The following PDGFRL variants were observed in gnomAD, a reference collection of about 807,000 sequenced individuals.
PDGFRL encodes the protein platelet derived growth factor receptor like, also known as platelet-derived growth factor receptor-like protein.
A neutral mutation model predicts 37.2 loss-of-function variants in PDGFRL; 46 were observed. The ratio of observed to expected loss-of-function variants is 1.24; its 90% CI spans 0.98 to 1.58. PDGFRL has a LOEUF of 1.58. Ranked by LOEUF, PDGFRL falls within the 40% of genes most tolerant of loss-of-function variation. The pLI is 0.00. For missense variants in PDGFRL, 692 were observed against 467.6 expected, an observed-to-expected ratio of 1.48 and a Z score of -4.43; for synonymous variants, 251 against 184.3, an observed-to-expected ratio of 1.36 and a Z score of -2.93.
chr8:17,584,858 T>C (rs1361621507), intron 1 of PDGFRL, among the ~76,000 whole-genome samples: 2 of 151,824 alleles, frequency 1.3e-5, no homozygotes, highest in African/African-American at 4.8e-5. Flanking sequence ...TGAAAGCAAA[T>C]CTATTAAGAA....
At chr8:17,605,145 G>A (rs1483639557) in intron 2 of PDGFRL, among the ~76,000 whole-genome samples, 1 of 152,080 alleles carries the variant, frequency 6.6e-6, no homozygotes, top group Non-Finnish European at 1.5e-5. Flanking sequence ...GAGAGAGAGA[G>A]ACAGGGAGAG....
At chr8:17,586,114 G>C (rs947188310) in intron 1 of PDGFRL, among the ~76,000 whole-genome samples, 4 of 151,506 alleles carry the variant, frequency 2.6e-5, no homozygotes, top group Non-Finnish European at 5.9e-5. Context: ...GCCATGCCTG[G>C]CTACTTTTTT....
chr8:17,627,989 CTTTTTTTTT>C (rs35707610), intron 3 of PDGFRL, among the ~76,000 whole-genome samples: 21 of 89,254 alleles, frequency 2.4e-4, no homozygotes, highest in Admixed American at 4.2e-4. Context: ...TTCTTTCTTT[CTTTTTTTTT>C]TTTTTTTTTT....
chr8:17,581,007 G>C (rs949904209), intron 1 of PDGFRL, among the ~76,000 whole-genome samples: 2 of 152,076 alleles, frequency 1.3e-5, no homozygotes, highest in South Asian at 2.1e-4. Context: ...TATTGGAGGA[G>C]AGCCTACCCT....
intron 2 of PDGFRL, among the ~76,000 whole-genome samples, chr8:17,611,421 A>C (rs563256701): frequency 1.9e-4 from 29 of 152,342 alleles, no homozygotes; most frequent in Middle Eastern, 3.4e-3. Context: ...ATTTGAACCA[A>C]GGAAAGCTGA....
At chr8:17,615,994 G>C (rs1466656492) in intron 2 of PDGFRL, among the ~76,000 whole-genome samples, 1 of 152,166 alleles carries the variant, frequency 6.6e-6, no homozygotes, top group Non-Finnish European at 1.5e-5. Flanking sequence ...GCTTGGCAGC[G>C]TGCCTGCACT....
chr8:17,591,828 A>G (rs529072390), intron 2 of PDGFRL, among the ~76,000 whole-genome samples: 1 of 152,184 alleles, frequency 6.6e-6, no homozygotes, highest in African/African-American at 2.4e-5. Flanking sequence ...GCAGGAGGGG[A>G]TTGCTTGAAC....
At chr8:17,590,839 T>G (rs961865788) in intron 2 of PDGFRL, among the ~76,000 whole-genome samples, 1 of 151,978 alleles carries the variant, frequency 6.6e-6, no homozygotes, top group Admixed American at 6.6e-5. Flanking sequence ...TGACCAGATA[T>G]CAACTTCAAC....
In PDGFRL at chr8:17,642,477, G is replaced by A. The variant is rs533636412; in HGVS notation, c.940-136G>A. ...GTGTAGAAGCTTCCACAGCTTATGAGCTACGCATACTAAACAGTCTTTTAT... is the reference window on the plus strand; with the variant it reads ...GTGTAGAAGCTTCCACAGCTTATGAACTACGCATACTAAACAGTCTTTTAT... On this transcript the variant is annotated intron_variant, in intron 5 of 5. Transcript: ENST00000251630. The A allele has an allele frequency of 7.7e-6, 5 of 646,674 alleles. No homozygotes were observed. The South Asian group carries it at 9.2e-5, about 12-fold the overall frequency. 40.1% of individuals were successfully genotyped at this position (646,674 alleles called of 1,614,324 possible). A position where few individuals can be genotyped will look rare whatever the true frequency, so the allele number is the denominator to read the frequency against.
chr8:17,593,232 T>C (rs1229963071), intron 2 of PDGFRL, among the ~76,000 whole-genome samples: 9 of 151,984 alleles, frequency 5.9e-5, no homozygotes, highest in African/African-American at 2.2e-4. Context: ...GGAAGAAATC[T>C]GGAAAGGCTT....
At chr8:17,590,888 A>AT (rs71729974) in intron 2 of PDGFRL, among the ~76,000 whole-genome samples, 1,748 of 143,116 alleles carry the variant, frequency 0.012, 42 homozygotes, top group African/African-American at 0.043. Context: ...ATTATTATTA[A>AT]TTTTTTTTTT....
intron 2 of PDGFRL, among the ~76,000 whole-genome samples, chr8:17,602,838 AC>A (rs1804194747): frequency 6.6e-6 from 1 of 152,214 alleles, no homozygotes; most frequent in African/African-American, 2.4e-5. Flanking sequence ...AAATGAAGAA[AC>A]ATTCCAAATG....
intron 2 of PDGFRL, 92 bp from the exon 3 acceptor site, chr8:17,620,959 G>C: frequency 1.2e-6 from 1 of 812,394 alleles, no homozygotes; most frequent in South Asian, 2.9e-5. Flanking sequence ...ATTGGGGCAA[G>C]TCTGCCCAGA....
intron 2 of PDGFRL, among the ~76,000 whole-genome samples, chr8:17,614,122 C>T (rs1238605955): frequency 6.6e-6 from 1 of 152,070 alleles, no homozygotes; most frequent in African/African-American, 2.4e-5. Flanking sequence ...AGATGATAGG[C>T]TGATAAATGA....
At chr8:17,597,352 T>C (rs1226301717) in intron 2 of PDGFRL, among the ~76,000 whole-genome samples, 1 of 152,226 alleles carries the variant, frequency 6.6e-6, no homozygotes, top group Non-Finnish European at 1.5e-5. Flanking sequence ...TATTGTTGGC[T>C]TTCTGGAAGC....
Position 17,608,573 on chromosome 8 carries a change from T to G in PDGFRL, c.354-12478T>G, listed in dbSNP as rs145988175. On this transcript the variant is annotated intron_variant, in intron 2 of 5. Transcript: ENST00000251630. ...GACCAGAGCGAGTGTGTCACAGCCT[T>G]CAGTTCAGTGTTGGTCTGCTGAGGA... Among the ~76,000 whole-genome samples, 793 of 152,310 alleles carry G rather than the reference T, an allele frequency of 5.2e-3. 2 individuals are homozygous for G. Among genetic ancestry groups the G allele is most frequent in the Admixed American group, 8.4e-3 (128 of 15,302 alleles).
intron 2 of PDGFRL, among the ~76,000 whole-genome samples, chr8:17,593,299 A>C (rs1803982211): frequency 6.6e-6 from 1 of 152,086 alleles, no homozygotes; most frequent in South Asian, 2.1e-4. Context: ...TATCCTCTTA[A>C]TGATTTTGAA....
rs1426429165 is a variant in PDGFRL at position 17,628,488 on chromosome 8, G to T, written c.507G>T (p.Glu169Asp). The stretch of plus-strand genomic sequence containing the variant: ...CCTGTGTCTTCCTTCCCTTTGCAGA[G>T]AAAGGAGAACTCTTTGTACCTTCTC... ...KTGSTYIFFTEKGELFVPSPS... is the reference protein window; with the variant it reads ...KTGSTYIFFTDKGELFVPSPS... Residue 169 changes from glutamate to aspartate, a missense_variant and splice_region_variant, in exon 4 of 6, where the codon GAG (glutamate) becomes GAT (aspartate). By Grantham distance (45) the Glu-to-Asp change is conservative (BLOSUM62 2). Transcript: ENST00000251630. 2.5e-6 allele frequency: 4 copies of T among 1,612,252 alleles called. No individual in the cohort carries two copies. Among genetic ancestry groups the T allele is most frequent in the Admixed American group, 3.3e-5 (2 of 60,000 alleles).
chr8:17,586,929 G>A (rs987528986), intron 1 of PDGFRL, among the ~76,000 whole-genome samples: 2 of 152,146 alleles, frequency 1.3e-5, no homozygotes, highest in East Asian at 3.8e-4. Context: ...TAAATTATAC[G>A]ATGCAATAGT....
Sources: allele counts gnomAD v4.1 joint callset (sites outside exome capture counted in the v4.1 genomes callset), GRCh38; gene constraint gnomAD v4.1.1; transcripts MANE v1.5; gene names NCBI Gene and HGNC (gene_info 2026-07-23, HGNC 2026-07-21).